SPTSSA: variants seen among roughly 807,000 people sequenced by gnomAD.
SPTSSA encodes small subunit of serine palmitoyltransferase A.
Under a neutral mutation model 9.1 loss-of-function variants are expected in SPTSSA, and 8 were observed. That is an observed-to-expected ratio of 0.88 (90% CI 0.51 to 1.58). The LOEUF (loss-of-function observed/expected upper bound fraction) is 1.58. SPTSSA is among the 40% of genes most tolerant of loss of function. SPTSSA has a pLI of 0.00. For missense variants in SPTSSA, 100 were observed against 93.8 expected (o/e 1.07, Z -0.27); for synonymous variants, 42 against 37.7 (o/e 1.11, Z -0.41).
chr14:34,441,353 C>T (rs1883313170), intron 1 of SPTSSA, among the ~76,000 whole-genome samples: 1 of 152,198 alleles, frequency 6.6e-6, no homozygotes, highest in Non-Finnish European at 1.5e-5. Flanking sequence ...CGGCATACCC[C>T]AAGGAACCAA....
At chr14:34,445,610 TCTTTCCTAATGC>T (rs1883407374) in intron 1 of SPTSSA, among the ~76,000 whole-genome samples, 2 of 152,216 alleles carry the variant, frequency 1.3e-5, no homozygotes, top group Admixed American at 1.3e-4. Context: ...TTCAAAATTG[TCTTTCCTAATGC>T]CTGGCTCTCT....
chr14:34,435,257 C>CGAT lies in SPTSSA; in HGVS notation c.159_160insATC (p.Tyr53_Val54insIle), dbSNP rs1184151435. The CGAT allele has an allele frequency of 1.2e-6, 2 of 1,613,678 alleles. No homozygotes were observed. The highest frequency in any genetic ancestry group is 1.3e-5 in the African/African-American group (1 of 74,882). On this transcript the variant is annotated inframe_insertion, in exon 2 of 2. Coordinates refer to ENST00000298130, the MANE Select transcript of SPTSSA (RefSeq NM_138288.4). Reference sequence around the variant, plus strand: ...GCCATGATGTGCTGGGGCATGAAGACGTATCCTGTGTATAGTGCCATCCCC... The same window carrying CGAT: ...GCCATGATGTGCTGGGGCATGAAGACGATGTATCCTGTGTATAGTGCCATCCCC...
At chr14:34,452,420 G>C (rs948877432) in intron 1 of SPTSSA, among the ~76,000 whole-genome samples, 1 of 152,136 alleles carries the variant, frequency 6.6e-6, no homozygotes, top group African/African-American at 2.4e-5. Context: ...CATGTTAAAG[G>C]ATAGCACATC....
chr14:34,462,180 A>G lies in SPTSSA; in HGVS notation c.28T>C (p.Trp10Arg). 1 of 1,531,968 alleles carries G rather than the reference A, an allele frequency of 6.5e-7. No homozygotes were observed. Among genetic ancestry groups the G allele is most frequent in the Non-Finnish European group, 8.8e-7 (1 of 1,135,278 alleles). 94.9% of individuals were successfully genotyped at this position (1,531,968 alleles called of 1,614,324 possible). MAGMALARA[W>R]KQMSWFYYQY... ...TAGTAGAACCAGGACATCTGCTTCC[A>G]GGCCCGCGCCAGCGCCATCCCCGCC... Residue 10 changes from tryptophan (W) to arginine (R), a missense_variant, in exon 1 of 2, where the codon TGG becomes CGG. Physicochemically the swap from Trp to Arg is moderately radical, Grantham distance 101. Transcript: ENST00000298130.
chr14:34,445,959 G>A (rs1004750800), intron 1 of SPTSSA, among the ~76,000 whole-genome samples: 9 of 152,122 alleles, frequency 5.9e-5, no homozygotes, highest in African/African-American at 9.7e-5. Flanking sequence ...AAAGCTTCAC[G>A]TACATTTGGT....
chr14:34,457,209 C>G (rs1240084641), intron 1 of SPTSSA, among the ~76,000 whole-genome samples: 3 of 151,920 alleles, frequency 2.0e-5, no homozygotes, highest in Non-Finnish European at 4.4e-5. Context: ...AACTCTTGAC[C>G]TCAGGTGATC....
At chr14:34,461,220 T>C (rs1034600617) in intron 1 of SPTSSA, among the ~76,000 whole-genome samples, 18 of 152,182 alleles carry the variant, frequency 1.2e-4, no homozygotes, top group African/African-American at 4.1e-4. Context: ...CAGTATTTAA[T>C]CTGCAAGAAT....
chr14:34,447,122 G>A (rs1391188294), intron 1 of SPTSSA, among the ~76,000 whole-genome samples: 2 of 151,428 alleles, frequency 1.3e-5, no homozygotes, highest in African/African-American at 4.9e-5. Flanking sequence ...TACTCTGGAG[G>A]CTGAGGCAGG....
At chr14:34,441,566 T>A (rs1883316633) in intron 1 of SPTSSA, among the ~76,000 whole-genome samples, 1 of 152,248 alleles carries the variant, frequency 6.6e-6, no homozygotes, top group South Asian at 2.1e-4. Flanking sequence ...AGTTAACATA[T>A]TTTGGCAAGC....
At chr14:34,435,502 T>G (rs1594615672) in intron 1 of SPTSSA, among the ~76,000 whole-genome samples, 198 bp from the exon 2 acceptor site, 1 of 152,144 alleles carries the variant, frequency 6.6e-6, no homozygotes, top group Non-Finnish European at 1.5e-5. Context: ...AAGCTGGTTT[T>G]GTTTTATTTT....
intron 1 of SPTSSA, among the ~76,000 whole-genome samples, chr14:34,435,943 T>C (rs1883236032): frequency 1.3e-5 from 2 of 152,160 alleles, no homozygotes; most frequent in Admixed American, 6.6e-5. Flanking sequence ...CTGCTTAAAA[T>C]GAAGCATAGA....
chr14:34,446,512 C>G (rs1398015611), intron 1 of SPTSSA, among the ~76,000 whole-genome samples: 1 of 152,132 alleles, frequency 6.6e-6, no homozygotes, highest in African/African-American at 2.4e-5. Flanking sequence ...TATACTTTGA[C>G]AGATAAAAAA....
intron 1 of SPTSSA, among the ~76,000 whole-genome samples, chr14:34,452,422 T>C (rs1883546811): frequency 6.6e-6 from 1 of 152,240 alleles, no homozygotes; most frequent in African/African-American, 2.4e-5. Flanking sequence ...TGTTAAAGGA[T>C]AGCACATCAC....
At chr14:34,453,345 G>C (rs563403503) in intron 1 of SPTSSA, among the ~76,000 whole-genome samples, 1 of 152,188 alleles carries the variant, frequency 6.6e-6, no homozygotes, top group African/African-American at 2.4e-5. Context: ...TCAGAAATTC[G>C]CATTTGTACC....
chr14:34,459,742 T>C (rs1284674616), intron 1 of SPTSSA, among the ~76,000 whole-genome samples: 1 of 151,870 alleles, frequency 6.6e-6, no homozygotes, highest in East Asian at 1.9e-4. Context: ...GATGGCGACA[T>C]TACACTCCAG....
intron 1 of SPTSSA, among the ~76,000 whole-genome samples, chr14:34,436,913 G>A (rs1365201419): frequency 2.0e-5 from 3 of 149,102 alleles, no homozygotes; most frequent in East Asian, 1.9e-4. Context: ...TTAAACTGCC[G>A]CCTTCTATTT....
At chr14:34,435,325 CTTA>C (rs746889194) in intron 1 of SPTSSA, 21 bp from the exon 2 acceptor site, 2 of 1,547,794 alleles carry the variant, frequency 1.3e-6, no homozygotes, top group Non-Finnish European at 1.8e-6. Context: ...GTTAAGGAAA[CTTA>C]TTATTATTAA....
At chr14:34,435,538 A>G (rs1883226583) in intron 1 of SPTSSA, among the ~76,000 whole-genome samples, 1 of 151,196 alleles carries the variant, frequency 6.6e-6, no homozygotes, top group South Asian at 2.1e-4. Flanking sequence ...TATCTTTACT[A>G]TCACCATATA....
At chr14:34,455,931 C>CAAA (rs113785088) in intron 1 of SPTSSA, among the ~76,000 whole-genome samples, 2 of 139,546 alleles carry the variant, frequency 1.4e-5, no homozygotes, top group South Asian at 2.3e-4. Flanking sequence ...GACTCCATCT[C>CAAA]AAAAAAAAAA....
Sources: gnomAD v4.1 joint callset for allele counts (sites outside exome capture counted in the v4.1 genomes callset) on GRCh38, gnomAD v4.1.1 for gene constraint, MANE v1.5 for transcripts, NCBI Gene and HGNC (gene_info 2026-07-23, HGNC 2026-07-21) for gene names.